The following ADAM12 variants were observed in gnomAD, a reference collection of about 807,000 sequenced individuals.
The protein encoded by ADAM12 is ADAM metallopeptidase domain 12.
Under a neutral mutation model 106.4 loss-of-function variants are expected in ADAM12, and 70 were observed. That is an observed-to-expected ratio of 0.66 (90% confidence interval 0.54 to 0.80). The LOEUF (loss-of-function observed/expected upper bound fraction) is 0.80. ADAM12 is among the 30% of genes least tolerant of loss of function. The probability of loss-of-function intolerance (pLI) is 0.00; values close to 1 mark genes in which losing one functional copy is unlikely to be tolerated. For missense variants in ADAM12, 1,010 were observed against 1,171.9 expected, an observed-to-expected ratio of 0.86 and a Z score of 2.02; for synonymous variants, 420 against 433.5, an observed-to-expected ratio of 0.97 and a Z score of 0.39.
At chr10:126,350,112 A>G (rs1020189659) in intron 1 of ADAM12, among the ~76,000 whole-genome samples, 2 of 152,146 alleles carry the variant, frequency 1.3e-5, no homozygotes, top group East Asian at 3.9e-4. Flanking sequence ...AAATATTTCA[A>G]TGCTCTCCCT....
At chr10:126,149,355 CCT>C (rs1177347627) in intron 4 of ADAM12, among the ~76,000 whole-genome samples, 2 of 152,182 alleles carry the variant, frequency 1.3e-5, no homozygotes, top group East Asian at 1.9e-4. Context: ...TTGTTGAACC[CCT>C]GTTTCTCTAG....
chr10:126,298,108 C>T (rs1324077837), intron 2 of ADAM12, among the ~76,000 whole-genome samples: 1 of 152,080 alleles, frequency 6.6e-6, no homozygotes, highest in Non-Finnish European at 1.5e-5. Flanking sequence ...CACCAACCAA[C>T]CATATGACAT....
At chr10:126,133,525 C>T (rs1956346379) in intron 5 of ADAM12, among the ~76,000 whole-genome samples, 1 of 152,156 alleles carries the variant, frequency 6.6e-6, no homozygotes, top group Admixed American at 6.5e-5. Context: ...TCTGAAGACA[C>T]CTACCCAAGC....
rs1590789534 is a variant in ADAM12, at chr10:126,330,500, A to G, written c.98T>C (p.Leu33Ser). Residue 33 changes from leucine to serine, a missense_variant, in exon 2 of 23, where the codon TTA (leucine) becomes TCA (serine). Around this residue, in one of 3 missense-constraint regions of ADAM12, gnomAD observed 391 missense variants for 442.9 expected, o/e 0.88. Transcript: ENST00000448723. ...TTCATCAGCTCTTCCTTGGTTCCATAAGCTCACCCCTGAATCAAAAGGAAA... is the reference window on the plus strand; with the variant it reads ...TTCATCAGCTCTTCCTTGGTTCCATGAGCTCACCCCTGAATCAAAAGGAAA... The part of the protein sequence containing the change: ...LAPCEARGVS[L>S]WNQGRADEVV... The G allele has an allele frequency of 6.2e-7, 1 of 1,613,696 alleles. No individual in the cohort carries two copies. The highest frequency in any genetic ancestry group is 1.1e-5 in the South Asian group (1 of 91,016).
chr10:126,373,678 T>C (rs1171797708), intron 1 of ADAM12, among the ~76,000 whole-genome samples: 1 of 152,236 alleles, frequency 6.6e-6, no homozygotes, highest in African/African-American at 2.4e-5. Context: ...CAGAGATGTC[T>C]AGTTCTGAAA....
intron 21 of ADAM12, among the ~76,000 whole-genome samples, chr10:126,033,900 G>A (rs1269317293): frequency 6.6e-6 from 1 of 152,188 alleles, no homozygotes; most frequent in Non-Finnish European, 1.5e-5. Context: ...TACATTCTCA[G>A]ATAAAGGAAA....
At chr10:126,058,087 C>T (rs146266675) in intron 14 of ADAM12, among the ~76,000 whole-genome samples, 1 of 152,150 alleles carries the variant, frequency 6.6e-6, no homozygotes, top group Non-Finnish European at 1.5e-5. Context: ...CCAGGGCTCC[C>T]GTGTCCTTCA....
At chr10:126,301,035 C>A (rs1960599614) in intron 2 of ADAM12, among the ~76,000 whole-genome samples, 1 of 152,206 alleles carries the variant, frequency 6.6e-6, no homozygotes, top group African/African-American at 2.4e-5. Flanking sequence ...GAACATGTGG[C>A]AATGTCTAGG....
chr10:126,147,651 TCAAATGTTCCTTTCCC>T (rs957932588), intron 4 of ADAM12, among the ~76,000 whole-genome samples: 7 of 152,216 alleles, frequency 4.6e-5, no homozygotes, highest in African/African-American at 1.7e-4. Context: ...AGCTGTTGGT[TCAAATGTTCCTTTCCC>T]CATAAAGCCT....
At chr10:126,342,335 A>G (rs867143094) in intron 1 of ADAM12, among the ~76,000 whole-genome samples, 6 of 152,242 alleles carry the variant, frequency 3.9e-5, no homozygotes, top group Non-Finnish European at 7.3e-5. Flanking sequence ...GAGGACCCAA[A>G]TGGGCAATCA....
At position 126,218,457 on chromosome 10, in the gene ADAM12, T is replaced by C. The variant is rs184447308; in HGVS notation, c.260+60458A>G. Among the ~76,000 whole-genome samples, 10 of 152,282 alleles carry C rather than the reference T, an allele frequency of 6.6e-5. No individual in the cohort carries two copies. In the East Asian group the frequency reaches 1.7e-3, roughly 26 times the overall value. ...TGGGCTTGGAACTGACTGCTATGCA[T>C]TGACTTTTCTGGGCAGACTCAGCCA... On this transcript the variant is annotated intron_variant, in intron 3 of 22. Coordinates refer to ENST00000448723, the MANE Select transcript of ADAM12 (RefSeq NM_001288973.2).
In ADAM12 at chr10:126,388,461, A is replaced by C. The variant is rs562647283; in HGVS notation, c.-316T>G. 4.5e-6 allele frequency: 1 copy of C among 220,378 alleles called. No individual in the cohort carries two copies. The highest frequency in any genetic ancestry group is 1.8e-4 in the South Asian group (1 of 5,440). 13.7% of individuals were successfully genotyped at this position (220,378 alleles called of 1,614,324 possible). A position where few individuals can be genotyped will look rare whatever the true frequency, so the allele number is the denominator to read the frequency against. ...GACTAGGAAGAGCGTTAGTGAGAGA[A>C]GGCAGGCCTGTGAAATGGATCCACG... On this transcript the variant is annotated 5_prime_UTR_variant, in exon 1 of 23. Coordinates refer to ENST00000448723, the MANE Select transcript of ADAM12 (RefSeq NM_001288973.2). This position sits in a 1 kb window ranked among gnomAD's most constrained non-coding sequence, Gnocchi z 4.4.
chr10:126,175,662 G>A (rs1253553317), intron 3 of ADAM12, among the ~76,000 whole-genome samples: 1 of 152,236 alleles, frequency 6.6e-6, no homozygotes, highest in Non-Finnish European at 1.5e-5. Flanking sequence ...GCGAGAGAGG[G>A]ACGTGATGTG....
rs71309278 is a variant in ADAM12, at chr10:126,113,687, A to AAT, written c.604-3849_604-3848dup. On this transcript the variant is annotated intron_variant, in intron 6 of 22. Transcript: ENST00000448723. ...AAAAAAAAAAAAAAAAAAAAAAAAA[A>AAT]ATATATATATATATATATATATATA... Among the ~76,000 whole-genome samples the AAT allele has an allele frequency of 6.5e-3, 156 of 24,120 alleles. 1 individual carries two copies. The highest frequency in any genetic ancestry group is 0.013 in the South Asian group (5 of 388). 15.8% of individuals were successfully genotyped at this position (24,120 alleles called of 152,430 possible). A position where few individuals can be genotyped will look rare whatever the true frequency, so the allele number is the denominator to read the frequency against.
At chr10:126,381,552 G>C (rs754152820) in intron 1 of ADAM12, among the ~76,000 whole-genome samples, 4 of 152,140 alleles carry the variant, frequency 2.6e-5, no homozygotes, top group Non-Finnish European at 5.9e-5. Context: ...CTGGAGTACA[G>C]TGGCACGATC....
chr10:126,129,008 C>T (rs1039293716), intron 5 of ADAM12, among the ~76,000 whole-genome samples: 1 of 152,246 alleles, frequency 6.6e-6, no homozygotes, highest in Non-Finnish European at 1.5e-5. Context: ...GTGTCACCAA[C>T]CCCATTTAAA....
At chr10:126,363,952 A>AT (rs1258927183) in intron 1 of ADAM12, among the ~76,000 whole-genome samples, 13 of 152,196 alleles carry the variant, frequency 8.5e-5, no homozygotes, top group Admixed American at 3.9e-4. Context: ...AATATGATAC[A>AT]CCTTGACAGA....
At chr10:126,079,601 A>G (rs1047840377) in intron 11 of ADAM12, among the ~76,000 whole-genome samples, 2 of 152,196 alleles carry the variant, frequency 1.3e-5, no homozygotes, top group African/African-American at 4.8e-5. Flanking sequence ...GGTGATTTTG[A>G]TGCCCATTAG....
rs560044247 is a variant in ADAM12, at chr10:126,100,969, G to T, written c.911+103C>A. 19 of 1,270,868 alleles carry T rather than the reference G, an allele frequency of 1.5e-5. No individual in the cohort carries two copies. In the Admixed American group the frequency reaches 2.9e-4, roughly 19 times the overall value. The allele number at this position is 1,270,868 out of a possible 1,614,324, so 78.7% of individuals were successfully genotyped here. A position where few individuals can be genotyped will look rare whatever the true frequency, so the allele number is the denominator to read the frequency against. ...GAAGCCCCCTTGCACAAGGCAGTGT[G>T]CTCTGCAGAAAGGTGGCAGCTCCTG... is the stretch of plus-strand genomic sequence containing the variant. On this transcript the variant is annotated intron_variant, in intron 9 of 22. Coordinates refer to ENST00000448723, the MANE Select transcript of ADAM12 (RefSeq NM_001288973.2).
Sources: gnomAD v4.1 joint callset for allele counts (sites outside exome capture counted in the v4.1 genomes callset) on GRCh38, gnomAD v4.1.1 for gene constraint, gnomAD v4.1.1 regional missense constraint, Gnocchi (gnomAD v3.1) non-coding constraint, MANE v1.5 for transcripts, NCBI Gene and HGNC (gene_info 2026-07-23, HGNC 2026-07-21) for gene names.